The following STXBP5 variants were observed in gnomAD, a reference collection of about 807,000 sequenced individuals.
STXBP5 encodes the protein syntaxin-binding protein 5.
STXBP5 carries 50 observed loss-of-function variants against 152.4 expected under a neutral mutation model. That is an observed-to-expected ratio of 0.33 (90% confidence interval 0.26 to 0.42). The LOEUF (loss-of-function observed/expected upper bound fraction) is 0.42. Among genes scored for constraint, STXBP5 ranks in the 10% least tolerant of loss-of-function variants. The pLI is 1.00. For synonymous variants in STXBP5, 492 were observed against 494.7 expected (o/e 0.99, Z 0.07); for missense variants, 1,167 against 1,388.6 (o/e 0.84, Z 2.54).
chr6:147,254,705 C>T (rs182273279), intron 4 of STXBP5, among the ~76,000 whole-genome samples: 143 of 152,214 alleles, frequency 9.4e-4, no homozygotes, highest in African/African-American at 3.3e-3. Context: ...AGCCAACAAA[C>T]GTATGAAAAA....
intron 2 of STXBP5, among the ~76,000 whole-genome samples, chr6:147,215,692 TCAGTAATTTTTAATA>T (rs1257753191): frequency 2.0e-5 from 3 of 152,168 alleles, no homozygotes; most frequent in African/African-American, 7.2e-5. Flanking sequence ...AATTTTTTAA[TCAGTAATTTTTAATA>T]ATACATAGTA....
chr6:147,247,648 C>A (rs1271808381), intron 4 of STXBP5, among the ~76,000 whole-genome samples: 1 of 152,134 alleles, frequency 6.6e-6, no homozygotes, highest in African/African-American at 2.4e-5. Context: ...AATACCTCTA[C>A]CCTTTTCCTT....
At chr6:147,344,531 G>A (rs180929839) in intron 21 of STXBP5, among the ~76,000 whole-genome samples, 3 of 152,336 alleles carry the variant, frequency 2.0e-5, no homozygotes, top group Non-Finnish European at 4.4e-5. Context: ...CAGTGGGTTT[G>A]ATTTCTTCTG....
intron 9 of STXBP5, among the ~76,000 whole-genome samples, chr6:147,296,588 A>G (rs1178981453): frequency 1.3e-5 from 2 of 152,218 alleles, no homozygotes; most frequent in Non-Finnish European, 2.9e-5. Context: ...AGGAAACATG[A>G]CATCCCCAGA....
chr6:147,262,072 A>G (rs1182984848), intron 5 of STXBP5, among the ~76,000 whole-genome samples: 2 of 151,928 alleles, frequency 1.3e-5, no homozygotes, highest in African/African-American at 4.8e-5. Context: ...AGTGTACTTA[A>G]TTGTGAATTT....
Position 147,237,697 on chromosome 6 carries a change from A to C in STXBP5, c.331-1473A>C, listed in dbSNP as rs186923526. The stretch of plus-strand genomic sequence containing the variant: ...GGCAACAGAAGTTACACACTAGGGT[A>C]GCCCTCATAGAATTTTGAAGGTGGA... On this transcript the variant is annotated intron_variant, in intron 3 of 27. Transcript: ENST00000321680. Among the ~76,000 whole-genome samples the C allele has an allele frequency of 7.9e-4, 121 of 152,366 alleles. 2 individuals are homozygous for C. The highest frequency in any genetic ancestry group is 2.7e-3 in the African/African-American group (114 of 41,592).
At chr6:147,208,996 G>A (rs1254986517) in intron 2 of STXBP5, among the ~76,000 whole-genome samples, 4 of 152,174 alleles carry the variant, frequency 2.6e-5, no homozygotes, top group African/African-American at 9.6e-5. Flanking sequence ...GAGAGAATAT[G>A]AGATTGAAGA....
chr6:147,205,992 T>A lies in STXBP5; in HGVS notation c.172T>A (p.Tyr58Asn). Residue 58 changes from tyrosine (Y) to asparagine (N), a missense_variant, in exon 2 of 28, where the codon TAT (tyrosine) becomes AAT (asparagine). Physicochemically the swap from Tyr to Asn is moderately radical, Grantham distance 143. Around this residue, in one of 3 missense-constraint regions of STXBP5, gnomAD observed 310 missense variants for 346.1 expected, o/e 0.90. Coordinates refer to ENST00000321680, the MANE Select transcript of STXBP5 (RefSeq NM_001127715.4). ...LCKTVRHGFP[Y>N]QPSALAFDPV... ...CTAGACTGTTCGCCATGGATTTCCCTATCAACCCTCAGCCCTGGCCTTTGA... is the reference window on the plus strand; with the variant it reads ...CTAGACTGTTCGCCATGGATTTCCCAATCAACCCTCAGCCCTGGCCTTTGA... The A allele has an allele frequency of 6.2e-7, 1 of 1,614,162 alleles. No individual in the cohort carries two copies. Among genetic ancestry groups the A allele is most frequent in the Non-Finnish European group, 8.5e-7 (1 of 1,180,004 alleles).
At chr6:147,299,041 A>C (rs985584431) in intron 9 of STXBP5, among the ~76,000 whole-genome samples, 1 of 152,022 alleles carries the variant, frequency 6.6e-6, no homozygotes, top group Admixed American at 6.6e-5. Flanking sequence ...CAGTTTGTAC[A>C]AAATAGAGAC....
intron 6 of STXBP5, among the ~76,000 whole-genome samples, chr6:147,266,195 C>G (rs664203): frequency 0.43 from 65,661 of 151,878 alleles, 14,459 homozygotes; most frequent in East Asian, 0.71. Flanking sequence ...GTAAACAGAG[C>G]TCATACCATG....
intron 2 of STXBP5, among the ~76,000 whole-genome samples, chr6:147,220,735 A>G (rs181582242): frequency 2.2e-4 from 34 of 151,920 alleles, no homozygotes; most frequent in Non-Finnish European, 3.7e-4. Context: ...TCATCTATTT[A>G]CTTTTATTCT....
chr6:147,381,824 A>G (rs892228162), intron 26 of STXBP5, among the ~76,000 whole-genome samples: 2 of 152,130 alleles, frequency 1.3e-5, no homozygotes, highest in African/African-American at 4.8e-5. Flanking sequence ...AATACTCAGA[A>G]TAGGCAAATT....
intron 19 of STXBP5, among the ~76,000 whole-genome samples, chr6:147,334,659 A>G (rs557303386): frequency 1.3e-5 from 2 of 152,236 alleles, no homozygotes; most frequent in Non-Finnish European, 1.5e-5. Context: ...AGTTTCTGAT[A>G]TATTTATAGC....
chr6:147,289,171 T>C lies in STXBP5; in HGVS notation c.839-1923T>C, dbSNP rs553459280. On this transcript the variant is annotated intron_variant, in intron 8 of 27. Transcript: ENST00000321680. ...CCCTGGCGCCGGCTGCCAATATCAC[T>C]TTTAGTGAGGCAGTGTGATAATTGT... Among the ~76,000 whole-genome samples, 3 of 152,348 alleles carry C rather than the reference T, an allele frequency of 2.0e-5. No homozygotes were observed. In the East Asian group the frequency reaches 5.8e-4, roughly 29 times the overall value.
intron 21 of STXBP5, among the ~76,000 whole-genome samples, chr6:147,352,560 G>A (rs1383248984): frequency 1.3e-5 from 2 of 151,454 alleles, no homozygotes; most frequent in African/African-American, 2.4e-5. Context: ...GCAGTGAACC[G>A]AGATCACACC....
intron 16 of STXBP5, among the ~76,000 whole-genome samples, chr6:147,324,412 A>G (rs2128384456): frequency 6.6e-6 from 1 of 151,788 alleles, no homozygotes; most frequent in South Asian, 2.1e-4. Flanking sequence ...AGCTGGGACT[A>G]CAGGCACACA....
chr6:147,287,194 A>ATTTTTTTTTTTTTT (rs11370591), intron 8 of STXBP5, among the ~76,000 whole-genome samples: 1 of 75,256 alleles, frequency 1.3e-5, no homozygotes, highest in Non-Finnish European at 2.4e-5. Flanking sequence ...TTAATTGTAC[A>ATTTTTTTTTTTTTT]TTTTTTTTTT....
intron 2 of STXBP5, among the ~76,000 whole-genome samples, chr6:147,230,501 A>G (rs1471054250): frequency 2.0e-5 from 3 of 151,974 alleles, no homozygotes; most frequent in Non-Finnish European, 4.4e-5. Context: ...TACAAGTTAC[A>G]TTTGGTCTAG....
At chr6:147,381,802 C>G (rs1026368995) in intron 26 of STXBP5, among the ~76,000 whole-genome samples, 3 of 152,034 alleles carry the variant, frequency 2.0e-5, no homozygotes, top group African/African-American at 7.2e-5. Flanking sequence ...TTGTATGAAT[C>G]CATTTAAATG....
Sources: gnomAD v4.1 joint callset for allele counts (sites outside exome capture counted in the v4.1 genomes callset) on GRCh38, gnomAD v4.1.1 for gene constraint, gnomAD v4.1.1 regional missense constraint, MANE v1.5 for transcripts, NCBI Gene and HGNC (gene_info 2026-07-23, HGNC 2026-07-21) for gene names.